Variants in SHLD1 observed in about 807,000 individuals in gnomAD.
The protein encoded by SHLD1 is RINN1-REV7-interacting novel NHEJ regulator 3.
In SHLD1, 3 loss-of-function variants were observed where a neutral mutation model predicts 5.5. The ratio of observed to expected loss-of-function variants is 0.54; its 90% CI spans 0.25 to 1.40. The LOEUF (loss-of-function observed/expected upper bound fraction) is 1.40. Ranked by LOEUF, SHLD1 falls within the 40% of genes most tolerant of loss-of-function variation. SHLD1 has a pLI of 0.15. For missense variants in SHLD1, 210 were observed against 244.4 expected (o/e 0.86, Z 0.94); for synonymous variants, 92 against 94.3 (o/e 0.98, Z 0.14).
intron 2 of SHLD1, among the ~76,000 whole-genome samples, chr20:5,775,923 ATTTTTT>A (rs533313849): frequency 4.9e-4 from 38 of 77,684 alleles, no homozygotes; most frequent in East Asian, 4.9e-3. Context: ...TCAGCTCAGG[ATTTTTT>A]TTTTTTTTTT....
intron 2 of SHLD1, among the ~76,000 whole-genome samples, chr20:5,835,659 A>G (rs2087780553): frequency 6.6e-6 from 1 of 152,220 alleles, no homozygotes; most frequent in African/African-American, 2.4e-5. Flanking sequence ...GTGGAGGAGC[A>G]CAGATGGCCT....
intron 2 of SHLD1, among the ~76,000 whole-genome samples, chr20:5,802,861 C>A (rs2087314342): frequency 6.6e-6 from 1 of 152,248 alleles, no homozygotes; most frequent in South Asian, 2.1e-4. Context: ...AGATTACTGG[C>A]GTGAGCCACT....
chr20:5,850,554 A>G (rs1454026838), intron 2 of SHLD1, among the ~76,000 whole-genome samples: 1 of 146,036 alleles, frequency 6.8e-6, no homozygotes. Flanking sequence ...TCTGTCGCCC[A>G]AGTGGGAGTG....
intron 1 of SHLD1, among the ~76,000 whole-genome samples, chr20:5,764,419 G>C (rs1289908770): frequency 6.7e-6 from 1 of 150,198 alleles, no homozygotes. Flanking sequence ...GCCAAGTGAG[G>C]TGGCTTATGC....
chr20:5,790,296 A>C (rs1010161313), intron 2 of SHLD1, among the ~76,000 whole-genome samples: 1 of 152,114 alleles, frequency 6.6e-6, no homozygotes, highest in Non-Finnish European at 1.5e-5. Flanking sequence ...AACATCTTCC[A>C]TTCCTTCAGG....
chr20:5,844,074 G>GA (rs1352369944), intron 2 of SHLD1, among the ~76,000 whole-genome samples: 1 of 152,174 alleles, frequency 6.6e-6, no homozygotes, highest in Non-Finnish European at 1.5e-5. Flanking sequence ...TGCTTCAGGA[G>GA]AGAAGGCTCA....
intron 2 of SHLD1, among the ~76,000 whole-genome samples, chr20:5,775,923 A>T (rs1985401000): frequency 1.5e-3 from 118 of 77,642 alleles, no homozygotes; most frequent in South Asian, 3.3e-3. Flanking sequence ...TCAGCTCAGG[A>T]TTTTTTTTTT....
intron 2 of SHLD1, among the ~76,000 whole-genome samples, chr20:5,846,056 G>A (rs1397086903): frequency 5.3e-5 from 8 of 152,230 alleles, no homozygotes; most frequent in African/African-American, 1.4e-4. Flanking sequence ...ATGGCATATG[G>A]AAAAACGCCA....
chr20:5,816,290 T>A (rs1388734706), intron 2 of SHLD1, among the ~76,000 whole-genome samples: 2 of 152,206 alleles, frequency 1.3e-5, no homozygotes, highest in Non-Finnish European at 2.9e-5. Flanking sequence ...ACATTTTTTT[T>A]ATTTTAAGTA....
intron 2 of SHLD1, among the ~76,000 whole-genome samples, chr20:5,858,181 T>C (rs572030261): frequency 6.6e-6 from 1 of 151,970 alleles, no homozygotes; most frequent in East Asian, 1.9e-4. Context: ...TAATCAGCAA[T>C]TGCTAGTAAA....
At chr20:5,818,523 T>C (rs141975948) in intron 2 of SHLD1, among the ~76,000 whole-genome samples, 1 of 152,262 alleles carries the variant, frequency 6.6e-6, no homozygotes, top group Non-Finnish European at 1.5e-5. Context: ...ATTTTATAGG[T>C]TAAATAATGC....
chr20:5,842,308 C>T (rs1265100829), intron 2 of SHLD1, among the ~76,000 whole-genome samples: 2 of 152,186 alleles, frequency 1.3e-5, no homozygotes, highest in Non-Finnish European at 2.9e-5. Context: ...AGAATATTGT[C>T]TATTTCAAGC....
chr20:5,757,651 G>A (rs529332919), intron 1 of SHLD1, among the ~76,000 whole-genome samples: 6 of 152,052 alleles, frequency 3.9e-5, no homozygotes, highest in African/African-American at 7.2e-5. Context: ...TGCCTAGGCC[G>A]GAGTGCAGTG....
intron 2 of SHLD1, among the ~76,000 whole-genome samples, chr20:5,850,275 A>G (rs566791518): frequency 8.2e-4 from 124 of 151,904 alleles, no homozygotes; most frequent in African/African-American, 3.0e-3. Flanking sequence ...TTGAAAGGTT[A>G]GCAGAAGTGT....
intron 2 of SHLD1, among the ~76,000 whole-genome samples, chr20:5,781,641 CTATTTTTTTG>C (rs1336364438): frequency 1.4e-5 from 2 of 142,134 alleles, no homozygotes; most frequent in African/African-American, 5.0e-5. Context: ...CCCTGCCCAG[CTATTTTTTTG>C]TATTTTTAGT....
At chr20:5,847,375 G>GT (rs1347495360) in intron 2 of SHLD1, among the ~76,000 whole-genome samples, 1 of 152,164 alleles carries the variant, frequency 6.6e-6, no homozygotes, top group African/African-American at 2.4e-5. Flanking sequence ...TGCCGTGAGG[G>GT]TTGTTTTGCT....
At chr20:5,755,455 G>A (rs1984020807) in intron 1 of SHLD1, among the ~76,000 whole-genome samples, 1 of 152,076 alleles carries the variant, frequency 6.6e-6, no homozygotes, top group East Asian at 1.9e-4. Context: ...TCCCAAAACC[G>A]TCCCCCCACC....
chr20:5,778,318 G>A (rs567066922), intron 2 of SHLD1, among the ~76,000 whole-genome samples: 185 of 146,390 alleles, frequency 1.3e-3, no homozygotes, highest in Middle Eastern at 7.1e-3. Context: ...TAGTAGAGAT[G>A]AGGTTTCACC....
chr20:5,844,932 C>A (rs2087914835), intron 2 of SHLD1, among the ~76,000 whole-genome samples: 1 of 151,170 alleles, frequency 6.6e-6, no homozygotes, highest in African/African-American at 2.4e-5. Context: ...GTAGCTGGGA[C>A]TACAGGTGCA....
Sources: gnomAD v4.1 joint callset for allele counts (sites outside exome capture counted in the v4.1 genomes callset) on GRCh38, gnomAD v4.1.1 for gene constraint, MANE v1.5 for transcripts, NCBI Gene and HGNC (gene_info 2026-07-23, HGNC 2026-07-21) for gene names.